Variants in KCNB2 observed in about 807,000 individuals in gnomAD.
KCNB2 encodes potassium voltage-gated channel subfamily B member 2, also known as delayed rectifier potassium channel protein.
Under a neutral mutation model 61.5 loss-of-function variants are expected in KCNB2, and 15 were observed. That is an observed-to-expected ratio of 0.24 (90% CI 0.16 to 0.38). The LOEUF is 0.38. Among genes scored for constraint, KCNB2 ranks in the 10% least tolerant of loss-of-function variants. KCNB2 has a pLI of 1.00. For missense variants in KCNB2, 828 were observed against 1,125.2 expected (o/e 0.74, Z 3.78); for synonymous variants, 457 against 446.0 (o/e 1.02, Z -0.31).
intron 2 of KCNB2, among the ~76,000 whole-genome samples, chr8:72,702,797 G>A (rs942550412): frequency 1.3e-5 from 2 of 152,178 alleles, no homozygotes; most frequent in African/African-American, 4.8e-5. Flanking sequence ...ATGTGGAGCT[G>A]CTATTATACC....
chr8:72,564,452 C>T (rs1159091355), intron 1 of KCNB2, among the ~76,000 whole-genome samples: 5 of 152,096 alleles, frequency 3.3e-5, no homozygotes, highest in Admixed American at 6.6e-5. Context: ...TATTCAAATT[C>T]AAAATGCATC....
intron 2 of KCNB2, among the ~76,000 whole-genome samples, chr8:72,829,757 T>A (rs1809659532): frequency 6.6e-6 from 1 of 152,158 alleles, no homozygotes; most frequent in South Asian, 2.1e-4. Flanking sequence ...CTATTTGGCT[T>A]TGTCAACCCT....
chr8:72,747,084 C>T (rs539513787), intron 2 of KCNB2, among the ~76,000 whole-genome samples: 3 of 152,016 alleles, frequency 2.0e-5, no homozygotes, highest in Non-Finnish European at 4.4e-5. Context: ...TTTTTTTATA[C>T]TCACAGATCC....
chr8:72,866,010 T>C (rs1805510424), intron 2 of KCNB2, among the ~76,000 whole-genome samples: 3 of 152,322 alleles, frequency 2.0e-5, no homozygotes, highest in Non-Finnish European at 4.4e-5. Flanking sequence ...ACCTGCCCCA[T>C]TGTGGTCACT....
rs374832101 is a variant in KCNB2, at chr8:72,633,131, G to A, written c.579+64818G>A. 1.9e-4 allele frequency among the ~76,000 whole-genome samples: 29 copies of A among 152,174 alleles called. No homozygotes were observed. In the East Asian group the frequency reaches 5.0e-3, roughly 26 times the overall value. On this transcript the variant is annotated intron_variant, in intron 2 of 2. Coordinates refer to ENST00000523207, the MANE Select transcript of KCNB2 (RefSeq NM_004770.3). ...AGCTCTGCAAAGATCCTGCTTTCAC[G>A]CTCTTTCAGGTTATTGGCGGAAAGA... is the stretch of plus-strand genomic sequence containing the variant.
chr8:72,806,781 T>G (rs571327319), intron 2 of KCNB2, among the ~76,000 whole-genome samples: 1 of 152,310 alleles, frequency 6.6e-6, no homozygotes, highest in Non-Finnish European at 1.5e-5. Flanking sequence ...AGGATGGGTC[T>G]TTAATGGAGC....
intron 2 of KCNB2, chr8:72,619,209 G>C (rs561223397): frequency 1.5e-5 from 8 of 545,834 alleles, no homozygotes; most frequent in South Asian, 6.0e-5. Flanking sequence ...TCACTGCAGG[G>C]ATAAACCTAG....
At chr8:72,703,971 T>C (rs1306163478) in intron 2 of KCNB2, among the ~76,000 whole-genome samples, 1 of 152,192 alleles carries the variant, frequency 6.6e-6, no homozygotes, top group Non-Finnish European at 1.5e-5. Context: ...ACATAGTAGA[T>C]GAAGTTCACA....
chr8:72,669,860 T>G (rs567102927), intron 2 of KCNB2, among the ~76,000 whole-genome samples: 2 of 152,288 alleles, frequency 1.3e-5, no homozygotes, highest in East Asian at 3.9e-4. Context: ...CCCTCATATA[T>G]TTTACGGTCT....
At chr8:72,548,440 A>G (rs889796945) in intron 1 of KCNB2, among the ~76,000 whole-genome samples, 5 of 152,012 alleles carry the variant, frequency 3.3e-5, no homozygotes, top group African/African-American at 1.2e-4. Context: ...CCTTCTTTGG[A>G]CCCTGGTTTG....
intron 2 of KCNB2, among the ~76,000 whole-genome samples, chr8:72,767,372 G>T (rs1005387456): frequency 3.9e-5 from 6 of 152,118 alleles, no homozygotes; most frequent in South Asian, 4.2e-4. Context: ...CAACATTTTT[G>T]TTCCCCAAAC....
At chr8:72,631,022 T>A (rs1245954558) in intron 2 of KCNB2, among the ~76,000 whole-genome samples, 1 of 152,172 alleles carries the variant, frequency 6.6e-6, no homozygotes, top group Non-Finnish European at 1.5e-5. Flanking sequence ...TATACATACA[T>A]ACCTATGATA....
At chr8:72,550,052 C>G (rs1178180291) in intron 1 of KCNB2, among the ~76,000 whole-genome samples, 1 of 152,206 alleles carries the variant, frequency 6.6e-6, no homozygotes, top group African/African-American at 2.4e-5. Flanking sequence ...CTCTCTTCCT[C>G]TGGACACTTC....
chr8:72,852,233 C>T (rs1358888623), intron 2 of KCNB2, among the ~76,000 whole-genome samples: 4 of 152,136 alleles, frequency 2.6e-5, no homozygotes, highest in Non-Finnish European at 5.9e-5. Context: ...GCACTTTAGC[C>T]TGGGTGACAG....
chr8:72,708,616 A>G (rs566673838), intron 2 of KCNB2, among the ~76,000 whole-genome samples: 2 of 152,276 alleles, frequency 1.3e-5, no homozygotes. Flanking sequence ...TTACCCTTTA[A>G]CAGTGGAAAG....
intron 2 of KCNB2, among the ~76,000 whole-genome samples, chr8:72,618,142 A>T (rs1183678879): frequency 1.3e-5 from 2 of 152,118 alleles, no homozygotes; most frequent in Non-Finnish European, 2.9e-5. Flanking sequence ...GGCAATGTAG[A>T]CTGACATTAG....
chr8:72,659,548 G>A (rs1326240018), intron 2 of KCNB2, among the ~76,000 whole-genome samples: 1 of 152,220 alleles, frequency 6.6e-6, no homozygotes, highest in Non-Finnish European at 1.5e-5. Context: ...GCTATCAACA[G>A]CATTGCATGC....
intron 2 of KCNB2, among the ~76,000 whole-genome samples, chr8:72,620,710 G>A (rs1019032629): frequency 1.3e-5 from 2 of 152,146 alleles, no homozygotes; most frequent in Admixed American, 6.5e-5. Flanking sequence ...CCAGGTTCAA[G>A]TGATTCTCCT....
intron 2 of KCNB2, among the ~76,000 whole-genome samples, chr8:72,614,432 G>A (rs1805587044): frequency 6.6e-6 from 1 of 152,166 alleles, no homozygotes; most frequent in Non-Finnish European, 1.5e-5. Flanking sequence ...GGTAGACAAG[G>A]TTTTTAAATT....
Sources: gnomAD v4.1 joint callset for allele counts (sites outside exome capture counted in the v4.1 genomes callset) on GRCh38, gnomAD v4.1.1 for gene constraint, MANE v1.5 for transcripts, NCBI Gene and HGNC (gene_info 2026-07-23, HGNC 2026-07-21) for gene names.